PDE1A: variants seen among roughly 807,000 people sequenced by gnomAD.
PDE1A encodes the protein phosphodiesterase 1A.
In PDE1A, 35 loss-of-function variants were observed where a neutral mutation model predicts 61.7. The ratio of observed to expected loss-of-function variants is 0.57; its 90% CI spans 0.43 to 0.75. The LOEUF (loss-of-function observed/expected upper bound fraction) is 0.75, where lower values mean the gene tolerates loss of function less well. PDE1A is among the 30% of genes least tolerant of loss of function. PDE1A has a pLI of 0.00. For missense variants in PDE1A, 597 were observed against 630.6 expected (o/e 0.95, Z 0.57); for synonymous variants, 232 against 213.2 (o/e 1.09, Z -0.77).
rs369478276 is a variant in PDE1A at position 182,473,816 on chromosome 2, A to G, written c.101+48460T>C. On this transcript the variant is annotated intron_variant, in intron 2 of 14. Coordinates refer to the PDE1A transcript ENST00000410103. ...CATCCACGTTCCTTCAAAGAACATG[A>G]TCTCATTCTTTTTCATGGGTGTATA... is the stretch of plus-strand genomic sequence containing the variant. Among the ~76,000 whole-genome samples the G allele has an allele frequency of 2.0e-5, 3 of 151,966 alleles. No individual in the cohort carries two copies. In the South Asian group the frequency reaches 6.2e-4, roughly 31 times the overall value.
chr2:182,584,948 T>C, the PDE1A span, among the ~76,000 whole-genome samples: 1 of 152,170 alleles, frequency 6.6e-6, no homozygotes, highest in Non-Finnish European at 1.5e-5. Context: ...AAAACAAAAA[T>C]ACACAAAACA....
intron 7 of PDE1A, among the ~76,000 whole-genome samples, chr2:182,212,575 G>A (rs927346149): frequency 1.4e-4 from 21 of 152,344 alleles, no homozygotes; most frequent in East Asian, 9.7e-4. Flanking sequence ...TGCGCAAGCC[G>A]AAGCAGGGCG....
Position 182,237,561 on chromosome 2 carries a change from A to C in PDE1A, c.350+2549T>G, listed in dbSNP as rs140267130. 8.5e-3 allele frequency among the ~76,000 whole-genome samples: 1,300 copies of C among 152,344 alleles called. 14 individuals are homozygous for C. Among genetic ancestry groups the C allele is most frequent in the South Asian group, 0.05 (242 of 4,828 alleles). On this transcript the variant is annotated intron_variant, in intron 3 of 13. Coordinates refer to ENST00000351439, the Ensembl canonical transcript of PDE1A. The stretch of plus-strand genomic sequence containing the variant: ...GCAAGGCAACAGACTTATTTAGTGG[A>C]AGGCAAGGGAAATATTGTTGCTATT...
In PDE1A at chr2:182,212,313, A is replaced by G. The variant is rs183718273; in HGVS notation, c.777-6248T>C. ...CATAGTGGAATGGCTAACTCAGGCT[A>G]ATTAACATATGTGTTACTTCACAAT... On this transcript the variant is annotated intron_variant, in intron 7 of 13. Transcript: ENST00000351439. Among the ~76,000 whole-genome samples, 64 of 152,058 alleles carry G rather than the reference A, an allele frequency of 4.2e-4. 1 individual carries two copies. The highest frequency in any genetic ancestry group is 1.5e-3 in the African/African-American group (62 of 41,436).
At chr2:182,658,059 A>C in the PDE1A span, among the ~76,000 whole-genome samples, 6 of 109,820 alleles carry the variant, frequency 5.5e-5, no homozygotes, top group East Asian at 2.5e-4. Flanking sequence ...AAAAAAAAAA[A>C]AAAAAAAAAA....
chr2:182,482,612 G>A (rs1014869991), intron 2 of PDE1A, among the ~76,000 whole-genome samples: 5 of 151,964 alleles, frequency 3.3e-5, no homozygotes, highest in South Asian at 2.1e-4. Flanking sequence ...TGAGAAGCAT[G>A]TATTCACCAG....
the PDE1A span, among the ~76,000 whole-genome samples, chr2:182,543,682 T>A: frequency 3.3e-5 from 5 of 152,178 alleles, no homozygotes; most frequent in African/African-American, 1.2e-4. Context: ...ACAGTTCTTT[T>A]AGAAATTTTT....
chr2:182,594,019 T>C, the PDE1A span, among the ~76,000 whole-genome samples: 40 of 152,198 alleles, frequency 2.6e-4, no homozygotes, highest in Admixed American at 1.3e-4. Flanking sequence ...TTATTAGTAA[T>C]TAAACTTATA....
chr2:182,688,525 G>A, the PDE1A span, among the ~76,000 whole-genome samples: 2 of 152,164 alleles, frequency 1.3e-5, no homozygotes, highest in African/African-American at 4.8e-5. Context: ...GCTCCTGAAG[G>A]AAGCACTAAA....
the PDE1A span, among the ~76,000 whole-genome samples, chr2:182,598,058 A>G: frequency 1.3e-5 from 2 of 152,210 alleles, no homozygotes; most frequent in African/African-American, 4.8e-5. Context: ...AATTACTGCA[A>G]TCTGTTTCTC....
intron 1 of PDE1A, among the ~76,000 whole-genome samples, chr2:182,424,572 A>G (rs1020352072): frequency 1.3e-5 from 2 of 152,176 alleles, no homozygotes; most frequent in Non-Finnish European, 2.9e-5. Flanking sequence ...GACGAAGAAA[A>G]CGAAGTGAGG....
At chr2:182,436,687 T>C (rs1052926436) in intron 2 of PDE1A, among the ~76,000 whole-genome samples, 1 of 152,012 alleles carries the variant, frequency 6.6e-6, no homozygotes, top group African/African-American at 2.4e-5. Flanking sequence ...CTATACTTTA[T>C]ATGCCCTGTT....
chr2:182,154,399 T>C (rs1308939993), intron 13 of PDE1A, among the ~76,000 whole-genome samples: 1 of 152,194 alleles, frequency 6.6e-6, no homozygotes, highest in Non-Finnish European at 1.5e-5. Flanking sequence ...TAAACATGTA[T>C]CATTCATCCT....
At chr2:182,693,777 G>A in the PDE1A span, among the ~76,000 whole-genome samples, 2 of 151,758 alleles carry the variant, frequency 1.3e-5, no homozygotes, top group Non-Finnish European at 2.9e-5. Context: ...CTCCGGAGCA[G>A]CTGGGATTAC....
intron 11 of PDE1A, among the ~76,000 whole-genome samples, chr2:182,187,572 G>C (rs1026748200): frequency 6.6e-6 from 1 of 151,982 alleles, no homozygotes; most frequent in African/African-American, 2.4e-5. Context: ...CAGATGCTTG[G>C]ATAAAAGTAA....
chr2:182,269,852 C>G (rs1323123135), intron 1 of PDE1A, among the ~76,000 whole-genome samples: 6 of 152,022 alleles, frequency 3.9e-5, no homozygotes, highest in Non-Finnish European at 8.8e-5. Context: ...CTGCACTTAT[C>G]AAATTGCAAA....
the PDE1A span, among the ~76,000 whole-genome samples, chr2:182,677,138 C>T: frequency 1.3e-5 from 2 of 152,102 alleles, no homozygotes; most frequent in African/African-American, 4.8e-5. Context: ...TGATTGCAGA[C>T]AATATGATTT....
intron 1 of PDE1A, chr2:182,314,381 G>A (rs1256243803): frequency 2.6e-5 from 4 of 152,176 alleles, no homozygotes; most frequent in African/African-American, 9.7e-5. Context: ...TGCCAATAGG[G>A]TGACCTCCTG....
chr2:182,681,053 T>C, the PDE1A span, among the ~76,000 whole-genome samples: 5 of 152,132 alleles, frequency 3.3e-5, no homozygotes, highest in African/African-American at 1.2e-4. Context: ...GAAGGGTGTA[T>C]CTTAAGGAGA....
Sources: gnomAD v4.1 joint callset for allele counts (sites outside exome capture counted in the v4.1 genomes callset) on GRCh38, gnomAD v4.1.1 for gene constraint, MANE v1.5 for transcripts, NCBI Gene and HGNC (gene_info 2026-07-23, HGNC 2026-07-21) for gene names.